The following FBXL4 variants were observed in gnomAD, a reference collection of about 807,000 sequenced individuals.
FBXL4 encodes the protein F-box/LRR-repeat protein 4.
FBXL4 carries 40 observed loss-of-function variants against 58.9 expected under a neutral mutation model. The ratio of observed to expected loss-of-function variants is 0.68; its 90% CI spans 0.53 to 0.88. The LOEUF (loss-of-function observed/expected upper bound fraction) is 0.88, where lower values mean the gene tolerates loss of function less well. Among genes scored for constraint, FBXL4 ranks in the 40% least tolerant of loss-of-function variants. FBXL4 has a pLI of 0.00. For missense variants in FBXL4, 676 were observed against 734.4 expected, an observed-to-expected ratio of 0.92 and a Z score of 0.92; for synonymous variants, 263 against 265.5, an observed-to-expected ratio of 0.99 and a Z score of 0.09.
At chr6:98,874,556 C>A (rs974641431) in intron 9 of FBXL4, 115 bp from the exon 10 acceptor site, 28 of 1,117,302 alleles carry the variant, frequency 2.5e-5, no homozygotes, top group Non-Finnish European at 3.2e-5. Context: ...TTAAAATAAC[C>A]CTTTACAAAT....
intron 8 of FBXL4, among the ~76,000 whole-genome samples, chr6:98,876,618 C>G (rs1399383661): frequency 1.3e-5 from 2 of 152,088 alleles, no homozygotes; most frequent in Non-Finnish European, 2.9e-5. Context: ...TTAGGAAAGA[C>G]ACACAGACTA....
chr6:98,887,378 T>C (rs189709680), intron 7 of FBXL4, among the ~76,000 whole-genome samples: 5 of 152,362 alleles, frequency 3.3e-5, no homozygotes, highest in Non-Finnish European at 5.9e-5. Flanking sequence ...CTTCTGCTTA[T>C]TGTGTATCTT....
rs1431578258 is a variant in FBXL4, at chr6:98,871,625, C to T, written c.*2653G>A. On this transcript the variant is annotated 3_prime_UTR_variant, in exon 10 of 10. Coordinates refer to ENST00000369244, the MANE Select transcript of FBXL4 (RefSeq NM_001278716.2). ...GAAAAGGTAAGAAGGTATTTAAAAT[C>T]TATGGTTATTTACTGTATTATTCAT... The T allele has an allele frequency of 6.6e-6, 1 of 152,160 alleles. No homozygotes were observed. The highest frequency in any genetic ancestry group is 1.9e-4 in the East Asian group (1 of 5,200). The allele number at this position is 152,160 out of a possible 1,614,324, so 9.4% of individuals were successfully genotyped here.
At chr6:98,894,277 A>C (rs1771336654) in intron 7 of FBXL4, among the ~76,000 whole-genome samples, 1 of 152,208 alleles carries the variant, frequency 6.6e-6, no homozygotes, top group Non-Finnish European at 1.5e-5. Flanking sequence ...TCTTATGAAA[A>C]GAAAAGAACC....
intron 5 of FBXL4, among the ~76,000 whole-genome samples, chr6:98,908,942 A>C (rs991769812): frequency 1.3e-5 from 2 of 152,212 alleles, no homozygotes; most frequent in Non-Finnish European, 2.9e-5. Context: ...GAGAATCAGG[A>C]CTAATACTCC....
intron 2 of FBXL4, among the ~76,000 whole-genome samples, chr6:98,934,054 T>C (rs1056711213): frequency 2.6e-5 from 4 of 152,150 alleles, no homozygotes; most frequent in South Asian, 2.1e-4. Flanking sequence ...TAACTTCTGT[T>C]AGTACAAAAG....
At chr6:98,934,490 T>C (rs913811749) in intron 2 of FBXL4, among the ~76,000 whole-genome samples, 2 of 151,910 alleles carry the variant, frequency 1.3e-5, no homozygotes, top group Non-Finnish European at 2.9e-5. Flanking sequence ...TCGTATTAGA[T>C]GTGATATAAA....
chr6:98,874,210 A>C lies in FBXL4; in HGVS notation c.*68T>G. 1 of 1,301,648 alleles carries C rather than the reference A, an allele frequency of 7.7e-7. No homozygotes were observed. Among genetic ancestry groups the C allele is most frequent in the Non-Finnish European group, 1.0e-6 (1 of 973,134 alleles). The allele number at this position is 1,301,648 out of a possible 1,614,324, so 80.6% of individuals were successfully genotyped here. A position where few individuals can be genotyped will look rare whatever the true frequency, so the allele number is the denominator to read the frequency against. On this transcript the variant is annotated 3_prime_UTR_variant, in exon 10 of 10. Transcript: ENST00000369244. ...TACCATTAAAACAACTAAAAACAAA[A>C]CCCAAAACCAATCCCAAAATTAAAC... is the stretch of plus-strand genomic sequence containing the variant.
intron 5 of FBXL4, among the ~76,000 whole-genome samples, chr6:98,914,657 T>C (rs892980554): frequency 8.5e-5 from 13 of 152,212 alleles, no homozygotes; most frequent in African/African-American, 2.7e-4. Context: ...TAGGTATTGA[T>C]GGGACATATC....
At chr6:98,898,959 TTCTC>T in intron 7 of FBXL4, 1 of 985,430 alleles carries the variant, frequency 1.0e-6, no homozygotes, top group South Asian at 4.7e-5. Flanking sequence ...CCTCCTACCT[TTCTC>T]TAATTCATTC....
chr6:98,901,953 C>A (rs957839308), intron 6 of FBXL4, among the ~76,000 whole-genome samples: 1 of 152,056 alleles, frequency 6.6e-6, no homozygotes, highest in African/African-American at 2.4e-5. Context: ...TAAACAATCC[C>A]AGACTAAGTC....
intron 2 of FBXL4, among the ~76,000 whole-genome samples, chr6:98,932,733 G>C (rs925062891): frequency 6.6e-6 from 1 of 152,040 alleles, no homozygotes; most frequent in African/African-American, 2.4e-5. Flanking sequence ...TGAGATGAAA[G>C]AACCTGAAAA....
intron 6 of FBXL4, among the ~76,000 whole-genome samples, chr6:98,902,830 GAT>G (rs548265516): frequency 1.9e-3 from 289 of 152,118 alleles, no homozygotes; most frequent in African/African-American, 6.5e-3. Flanking sequence ...TAATAGATGT[GAT>G]TTTAATGAGT....
intron 6 of FBXL4, among the ~76,000 whole-genome samples, chr6:98,904,683 T>G (rs1283377710): frequency 6.6e-6 from 1 of 152,160 alleles, no homozygotes; most frequent in Non-Finnish European, 1.5e-5. Context: ...CTCTAAAGTT[T>G]CTACTTCTTC....
intron 5 of FBXL4, among the ~76,000 whole-genome samples, chr6:98,908,606 C>G (rs1771906877): frequency 6.6e-6 from 1 of 152,024 alleles, no homozygotes; most frequent in African/African-American, 2.4e-5. Flanking sequence ...ATTTATATAT[C>G]CATAAAAATT....
chr6:98,896,658 T>A (rs1358446197), intron 7 of FBXL4: 1 of 533,576 alleles, frequency 1.9e-6, no homozygotes, highest in African/African-American at 2.1e-5. Context: ...ACATATTCAA[T>A]GTCAGAAAAA....
At position 98,916,235 on chromosome 6, in the gene FBXL4, C is replaced by G. The variant is rs567841913; in HGVS notation, c.858+1139G>C. Among the ~76,000 whole-genome samples the G allele has an allele frequency of 5.6e-3, 856 of 152,122 alleles. 5 individuals are homozygous for G. The highest frequency in any genetic ancestry group is 8.1e-3 in the Non-Finnish European group (550 of 67,976). Reference sequence around the variant, plus strand: ...CTGTTGGTGGGACTGTAAACTAGTTCAACCATTGTGGAAGTCAGTGTGGCG... The same window carrying G: ...CTGTTGGTGGGACTGTAAACTAGTTGAACCATTGTGGAAGTCAGTGTGGCG... On this transcript the variant is annotated intron_variant, in intron 5 of 9. Transcript: ENST00000369244.
intron 7 of FBXL4, among the ~76,000 whole-genome samples, chr6:98,893,022 G>C (rs564780918): frequency 6.6e-6 from 1 of 152,246 alleles, no homozygotes; most frequent in Admixed American, 6.5e-5. Flanking sequence ...TTTCCAGTCT[G>C]CTGCTAAGCA....
chr6:98,919,492 T>C (rs897961475), intron 4 of FBXL4, among the ~76,000 whole-genome samples: 52 of 151,728 alleles, frequency 3.4e-4, no homozygotes, highest in African/African-American at 1.2e-3. Context: ...AGGGAAAGAG[T>C]TCCAAAGAAT....
Sources: gnomAD v4.1 joint callset for allele counts (sites outside exome capture counted in the v4.1 genomes callset) on GRCh38, gnomAD v4.1.1 for gene constraint, MANE v1.5 for transcripts, NCBI Gene and HGNC (gene_info 2026-07-23, HGNC 2026-07-21) for gene names.